Variants in ZNF423 observed in about 807,000 individuals in gnomAD.
The protein encoded by ZNF423 is zinc finger protein 423.
A neutral mutation model predicts 95.8 loss-of-function variants in ZNF423; 12 were observed. That is an observed-to-expected ratio of 0.13 (90% confidence interval 0.08 to 0.20). The LOEUF (loss-of-function observed/expected upper bound fraction) is 0.20, where lower values mean the gene tolerates loss of function less well. ZNF423 is among the 10% of genes least tolerant of loss of function. The probability of loss-of-function intolerance (pLI) is 1.00; values close to 1 mark genes in which losing one functional copy is unlikely to be tolerated. For synonymous variants in ZNF423, 749 were observed against 711.9 expected, an observed-to-expected ratio of 1.05 and a Z score of -0.83; for missense variants, 1,316 against 1,737.1, an observed-to-expected ratio of 0.76 and a Z score of 4.31.
chr16:49,858,585 C>T (rs1441764989), upstream of ZNF423, among the ~76,000 whole-genome samples: 2 of 152,146 alleles, frequency 1.3e-5, no homozygotes, highest in African/African-American at 2.4e-5. This position sits in a 1 kb window ranked among gnomAD's most constrained non-coding sequence, Gnocchi z 4.3. Context: ...AGGACCGAGA[C>T]GTCCCCTAAC....
chr16:49,599,629 T>C (rs942970353), intron 5 of ZNF423, among the ~76,000 whole-genome samples: 11 of 152,164 alleles, frequency 7.2e-5, no homozygotes, highest in Admixed American at 1.3e-4. Context: ...AACAGTAAAA[T>C]GCACATTTTC....
chr16:49,764,277 C>T (rs1315055988), intron 2 of ZNF423, among the ~76,000 whole-genome samples: 1 of 152,152 alleles, frequency 6.6e-6, no homozygotes, highest in Non-Finnish European at 1.5e-5. Context: ...TGCACTGGGT[C>T]CCACTCACCC....
At chr16:49,502,361 T>C (rs1967443886) in intron 7 of ZNF423, among the ~76,000 whole-genome samples, 1 of 152,182 alleles carries the variant, frequency 6.6e-6, no homozygotes, top group Non-Finnish European at 1.5e-5. Context: ...ATGTCCTGGG[T>C]TCTGCTGCCT....
chr16:49,573,564 A>C (rs999152817), intron 5 of ZNF423, among the ~76,000 whole-genome samples: 1 of 152,076 alleles, frequency 6.6e-6, no homozygotes, highest in Admixed American at 6.5e-5. Context: ...GTGCCTGTCT[A>C]CTCAGGTCTC....
At chr16:49,570,563 T>C (rs545784665) in intron 5 of ZNF423, among the ~76,000 whole-genome samples, 6 of 152,320 alleles carry the variant, frequency 3.9e-5, no homozygotes, top group African/African-American at 2.4e-5. Context: ...TGAAACAGTT[T>C]GCTATAATTT....
At chr16:49,843,163 G>A (rs2035208624) in intron 1 of ZNF423, among the ~76,000 whole-genome samples, 1 of 152,024 alleles carries the variant, frequency 6.6e-6, no homozygotes, top group Admixed American at 6.6e-5. Context: ...TTCACTTCTA[G>A]GAATCCAGCC....
intron 1 of ZNF423, among the ~76,000 whole-genome samples, chr16:49,795,166 C>G (rs2034478480): frequency 6.6e-6 from 1 of 152,164 alleles, no homozygotes; most frequent in South Asian, 2.1e-4. Context: ...GTCACTGCAC[C>G]CGGCCCAAAT....
intron 3 of ZNF423, among the ~76,000 whole-genome samples, chr16:49,676,818 G>C (rs1037513461): frequency 6.6e-6 from 1 of 152,240 alleles, no homozygotes; most frequent in Non-Finnish European, 1.5e-5. Context: ...GTGAGAAGGA[G>C]GGTTTAGAAA....
intron 5 of ZNF423, among the ~76,000 whole-genome samples, chr16:49,609,704 T>C (rs751169501): frequency 3.6e-4 from 55 of 151,960 alleles, no homozygotes; most frequent in Non-Finnish European, 7.1e-4. Flanking sequence ...AGTGGGACTA[T>C]AACATTTTTG....
chr16:49,799,598 C>A (rs2034550760), intron 1 of ZNF423, among the ~76,000 whole-genome samples: 1 of 152,120 alleles, frequency 6.6e-6, no homozygotes, highest in African/African-American at 2.4e-5. Flanking sequence ...CCATGATCAC[C>A]CCAAAAGAGA....
intron 7 of ZNF423, among the ~76,000 whole-genome samples, chr16:49,523,225 C>T (rs1389350076): frequency 6.6e-6 from 1 of 152,204 alleles, no homozygotes; most frequent in Admixed American, 6.5e-5. Flanking sequence ...CTCCAAGGCC[C>T]CAGACCTAAC....
chr16:49,649,664 C>CAGGG (rs1226286432), intron 3 of ZNF423, among the ~76,000 whole-genome samples: 8 of 66,158 alleles, frequency 1.2e-4, no homozygotes, highest in Non-Finnish European at 1.8e-4. Flanking sequence ...CACACACACA[C>CAGGG]ACACAGGGAG....
chr16:49,769,259 G>A (rs2033986792), intron 2 of ZNF423, among the ~76,000 whole-genome samples: 1 of 151,820 alleles, frequency 6.6e-6, no homozygotes, highest in East Asian at 1.9e-4. Context: ...GGAGGCTGAG[G>A]CAGGAGAATC....
chr16:49,649,657 A>G (rs1163981263), intron 3 of ZNF423, among the ~76,000 whole-genome samples: 1 of 109,376 alleles, frequency 9.1e-6, no homozygotes, highest in Non-Finnish European at 1.9e-5. Context: ...ACACACACAC[A>G]CACACACACA....
At chr16:49,691,270 G>A (rs548421072) in intron 3 of ZNF423, among the ~76,000 whole-genome samples, 2 of 152,338 alleles carry the variant, frequency 1.3e-5, no homozygotes, top group Admixed American at 1.3e-4. Context: ...AGGATGCTGG[G>A]GTCTGTGCAA....
Position 49,628,069 on chromosome 16 carries a change from A to G in ZNF423, c.3517-1815T>C, listed in dbSNP as rs146689483. 1.1e-4 allele frequency among the ~76,000 whole-genome samples: 17 copies of G among 148,588 alleles called. No homozygotes were observed. The East Asian group carries it at 3.1e-3, about 27-fold the overall frequency. On this transcript the variant is annotated intron_variant, in intron 4 of 7. Transcript: ENST00000563137. ...TACCCATCCATTCATCTATATACATACCCACCCATCCACCTATCCATCCAC... is the reference window on the plus strand; with the variant it reads ...TACCCATCCATTCATCTATATACATGCCCACCCATCCACCTATCCATCCAC...
Position 49,637,421 on chromosome 16 carries a change from G to A in ZNF423, c.1755C>T (p.Ile585=), listed in dbSNP as rs1327728172. The A allele has an allele frequency of 1.2e-6, 2 of 1,614,192 alleles. No individual in the cohort carries two copies. The highest frequency in any genetic ancestry group is 2.2e-5 in the East Asian group (1 of 44,876). ...CCTTGATGTGCTTGGTGAGTTTCAG[G>A]ATGGAGCCAAAGATGGGGGAGTTGG... ...YCTNSPIFGS[I]LKLTKHIKEN... Residue 585 remains isoleucine, a synonymous_variant, in exon 4 of 8, where the codon ATC becomes ATT. Transcript: ENST00000563137. The surrounding 1 kb of genome is among the most constrained non-coding windows in gnomAD (Gnocchi z 5.6).
At chr16:49,793,835 C>T (rs986361233) in intron 1 of ZNF423, among the ~76,000 whole-genome samples, 5 of 152,148 alleles carry the variant, frequency 3.3e-5, no homozygotes, top group Non-Finnish European at 5.9e-5. Context: ...GGAGGGGGCA[C>T]ATGGCAGAGC....
At chr16:49,786,478 AT>A (rs1353617214) in intron 2 of ZNF423, among the ~76,000 whole-genome samples, 1 of 152,226 alleles carries the variant, frequency 6.6e-6, no homozygotes, top group Non-Finnish European at 1.5e-5. Context: ...GGGCTGCTCC[AT>A]GCCTTACAGC....
Sources: allele counts gnomAD v4.1 joint callset (sites outside exome capture counted in the v4.1 genomes callset), GRCh38; gene constraint gnomAD v4.1.1; non-coding constraint Gnocchi (gnomAD v3.1); transcripts MANE v1.5; gene names NCBI Gene and HGNC (gene_info 2026-07-23, HGNC 2026-07-21).